Variants in PCDHGA8 observed in about 807,000 individuals in gnomAD.
PCDHGA8 encodes the protein protocadherin gamma subfamily A, 8, also known as protocadherin gamma-A8.
A neutral mutation model predicts 59.2 loss-of-function variants in PCDHGA8; 45 were observed. The ratio of observed to expected loss-of-function variants is 0.76; its 90% CI spans 0.60 to 0.98. The LOEUF (loss-of-function observed/expected upper bound fraction) is 0.98, where lower values mean the gene tolerates loss of function less well. Among genes scored for constraint, PCDHGA8 ranks in the 50% least tolerant of loss-of-function variants. The pLI is 0.00. For synonymous variants in PCDHGA8, 531 were observed against 519.0 expected (o/e 1.02, Z -0.32); for missense variants, 1,257 against 1,196.2 (o/e 1.05, Z -0.75).
chr5:141,416,224 T>G (rs2096006627), intron 1 of PCDHGA8: 1 of 152,382 alleles, frequency 6.6e-6, no homozygotes, highest in Admixed American at 6.5e-5. Context: ...TATGCTTAGA[T>G]TTTTCCAGCC....
At position 141,486,392 on chromosome 5, in the gene PCDHGA8, C is replaced by T; in HGVS notation, c.2425-8415C>T. ...GTCTGCCTTCAGGAACCAGTTCTCC[C>T]TGGTGACTGCTGGACCCTTGGATCG... On this transcript the variant is annotated intron_variant, in intron 1 of 3. Coordinates refer to ENST00000398604, the MANE Select transcript of PCDHGA8 (RefSeq NM_032088.2). The surrounding 1 kb of genome is among the most constrained non-coding windows in gnomAD (Gnocchi z 5.0). 1 of 1,614,170 alleles carries T rather than the reference C, an allele frequency of 6.2e-7. No individual in the cohort carries two copies. Among genetic ancestry groups the T allele is most frequent in the Non-Finnish European group, 8.5e-7 (1 of 1,180,014 alleles).
chr5:141,479,020 T>C (rs961123768), intron 1 of PCDHGA8, among the ~76,000 whole-genome samples: 1 of 152,236 alleles, frequency 6.6e-6, no homozygotes, highest in African/African-American at 2.4e-5. Flanking sequence ...ATAATTTTCC[T>C]TTGTTTATAC....
In PCDHGA8 at chr5:141,431,211, G is replaced by A. The variant is rs1054638121; in HGVS notation, c.2424+35974G>A. The A allele has an allele frequency of 6.2e-7, 1 of 1,614,004 alleles. No individual in the cohort carries two copies. The highest frequency in any genetic ancestry group is 1.7e-5 in the Admixed American group (1 of 60,006). ...AGTGAAAATGCAGCCACTGAGATGC[G>A]GTTCCCTCTACCCCACGCCTGGGAT... On this transcript the variant is annotated intron_variant, in intron 1 of 3. Coordinates refer to ENST00000398604, the MANE Select transcript of PCDHGA8 (RefSeq NM_032088.2). This position sits in a 1 kb window ranked among gnomAD's most constrained non-coding sequence, Gnocchi z 4.8.
intron 1 of PCDHGA8, chr5:141,478,453 C>T: frequency 6.2e-7 from 1 of 1,613,594 alleles, no homozygotes; most frequent in Non-Finnish European, 8.5e-7. Context: ...CTGGTGCAGC[C>T]AGTCCACTGG....
rs766191511 is a variant in PCDHGA8, at chr5:141,432,498, G to T, written c.2424+37261G>T. ...TCCACTGGCGTGGAGCTGGCTCCCC[G>T]CTCCGCAGAGCCCGGCTACCTGGTG... On this transcript the variant is annotated intron_variant, in intron 1 of 3. Coordinates refer to ENST00000398604, the MANE Select transcript of PCDHGA8 (RefSeq NM_032088.2). The surrounding 1 kb of genome is among the most constrained non-coding windows in gnomAD (Gnocchi z 6.0). The T allele has an allele frequency of 6.2e-7, 1 of 1,614,106 alleles. No homozygotes were observed. The highest frequency in any genetic ancestry group is 8.5e-7 in the Non-Finnish European group (1 of 1,180,052).
At chr5:141,484,404 G>C (rs1333849091) in intron 1 of PCDHGA8, among the ~76,000 whole-genome samples, 3 of 152,174 alleles carry the variant, frequency 2.0e-5, no homozygotes, top group Non-Finnish European at 4.4e-5. Flanking sequence ...GGTTTCCGCT[G>C]TGTCTCCTGT....
At chr5:141,467,005 G>A (rs1365805332) in intron 1 of PCDHGA8, among the ~76,000 whole-genome samples, 3 of 150,724 alleles carry the variant, frequency 2.0e-5, no homozygotes, top group Non-Finnish European at 4.4e-5. Flanking sequence ...TTTTTGCAAT[G>A]CAATTTTTTT....
chr5:141,414,498 C>CT (rs748856262), intron 1 of PCDHGA8: 40 of 1,613,848 alleles, frequency 2.5e-5, no homozygotes, highest in Non-Finnish European at 3.3e-5. Context: ...CGGAAGCTCA[C>CT]TTTATGCTAC....
Position 141,477,535 on chromosome 5 carries a change from G to A in PCDHGA8, c.2425-17272G>A, listed in dbSNP as rs2099412713. ...ACATTGAAGAAAACAACCTCCCCGG[G>A]GCTCCAATACTAAACCTAAGTGTCT... On this transcript the variant is annotated intron_variant, in intron 1 of 3. Transcript: ENST00000398604. The surrounding 1 kb of genome is among the most constrained non-coding windows in gnomAD (Gnocchi z 4.9). 1.2e-6 allele frequency: 2 copies of A among 1,613,936 alleles called. No homozygotes were observed. The highest frequency in any genetic ancestry group is 2.7e-5 in the African/African-American group (2 of 74,866).
intron 1 of PCDHGA8, chr5:141,417,718 G>A: frequency 7.7e-7 from 1 of 1,304,720 alleles, no homozygotes; most frequent in Non-Finnish European, 1.0e-6. Flanking sequence ...GCTCCCGGCT[G>A]CGCAGACCTT....
intron 1 of PCDHGA8, chr5:141,441,330 C>T (rs919906372): frequency 8.5e-5 from 13 of 152,170 alleles, no homozygotes; most frequent in Admixed American, 1.3e-4. Context: ...AATCTTCCTC[C>T]AATAATTAAC....
Position 141,494,869 on chromosome 5 carries a change from G to A in PCDHGA8, c.2483+4G>A. 6.2e-7 allele frequency: 1 copy of A among 1,614,144 alleles called. No individual in the cohort carries two copies. Among genetic ancestry groups the A allele is most frequent in the Non-Finnish European group, 8.5e-7 (1 of 1,180,010 alleles). On this transcript the variant is annotated splice_donor_region_variant and intron_variant, in intron 2 of 3. Coordinates refer to ENST00000398604, the MANE Select transcript of PCDHGA8 (RefSeq NM_032088.2). The stretch of plus-strand genomic sequence containing the variant: ...CCCAGAGACCCGGCACCAGCGGGTA[G>A]GTGACTGATTCTCCAGCCCACCCTC...
chr5:141,430,975 G>A (rs776670383), intron 1 of PCDHGA8: 2 of 1,613,208 alleles, frequency 1.2e-6, no homozygotes, highest in Admixed American at 1.7e-5. Flanking sequence ...GAGGTAGGAC[G>A]CAGCTTTTCG....
chr5:141,427,398 A>T (rs1040184910), intron 1 of PCDHGA8: 8 of 460,774 alleles, frequency 1.7e-5, no homozygotes, highest in Non-Finnish European at 3.5e-5. Context: ...AACACATGAT[A>T]AAGATTCGAG....
intron 1 of PCDHGA8, chr5:141,398,766 T>C (rs775055352): frequency 6.2e-6 from 10 of 1,613,844 alleles, no homozygotes; most frequent in Non-Finnish European, 7.6e-6. Flanking sequence ...TAGTCCTGAC[T>C]GCCTTGGACG....
At chr5:141,406,189 C>G (rs1277183811) in intron 1 of PCDHGA8, among the ~76,000 whole-genome samples, 1 of 151,722 alleles carries the variant, frequency 6.6e-6, no homozygotes, top group Admixed American at 6.6e-5. Context: ...CCTCCCACCT[C>G]AGCCTTCACA....
intron 1 of PCDHGA8, among the ~76,000 whole-genome samples, chr5:141,460,612 T>C (rs1215147315): frequency 6.6e-6 from 1 of 152,128 alleles, no homozygotes; most frequent in African/African-American, 2.4e-5. Flanking sequence ...GTTAGATGGA[T>C]AGATAGACAG....
chr5:141,474,407 G>A (rs1431210575), intron 1 of PCDHGA8, among the ~76,000 whole-genome samples: 2 of 152,230 alleles, frequency 1.3e-5, no homozygotes, highest in East Asian at 1.9e-4. Flanking sequence ...GCTCCCCGGT[G>A]ATGCCTAGAC....
intron 1 of PCDHGA8, chr5:141,396,060 G>C (rs1309175410): frequency 6.6e-6 from 1 of 152,200 alleles, no homozygotes; most frequent in African/African-American, 2.4e-5. Flanking sequence ...CCAATTAGCT[G>C]TTTCGGTTGT....
Sources: gnomAD v4.1 joint callset for allele counts (sites outside exome capture counted in the v4.1 genomes callset) on GRCh38, gnomAD v4.1.1 for gene constraint, Gnocchi (gnomAD v3.1) non-coding constraint, MANE v1.5 for transcripts, NCBI Gene and HGNC (gene_info 2026-07-23, HGNC 2026-07-21) for gene names.